ROBO1: variants seen among roughly 807,000 people sequenced by gnomAD.
The protein encoded by ROBO1 is roundabout homolog 1.
A neutral mutation model predicts 195.9 loss-of-function variants in ROBO1; 149 were observed. The observed-to-expected ratio is 0.76, with a 90% CI of 0.67 to 0.87. The LOEUF (loss-of-function observed/expected upper bound fraction) is 0.87. Ranked by LOEUF, ROBO1 falls within the 40% of genes least tolerant of loss-of-function variation. The pLI is 0.00. For missense variants in ROBO1, 1,933 were observed against 2,068.3 expected, an observed-to-expected ratio of 0.93 and a Z score of 1.27; for synonymous variants, 816 against 733.2, an observed-to-expected ratio of 1.11 and a Z score of -1.82.
intron 28 of ROBO1, among the ~76,000 whole-genome samples, chr3:78,609,085 A>G (rs1272791537): frequency 1.3e-5 from 2 of 152,212 alleles, no homozygotes; most frequent in South Asian, 4.1e-4. Flanking sequence ...GTCTTTAGAA[A>G]TGGTAACGTT....
At chr3:79,693,662 T>G (rs1298029970) in intron 1 of ROBO1, among the ~76,000 whole-genome samples, 1 of 151,720 alleles carries the variant, frequency 6.6e-6, no homozygotes, top group Non-Finnish European at 1.5e-5. Context: ...GGTCTCAAAC[T>G]CCTGGCCTTG....
intron 1 of ROBO1, among the ~76,000 whole-genome samples, chr3:79,684,807 C>A (rs1947052672): frequency 6.6e-6 from 1 of 151,988 alleles, no homozygotes; most frequent in Admixed American, 6.6e-5. Context: ...TCCTGAGTAG[C>A]TGGGACTATA....
Position 79,429,663 on chromosome 3 carries a change from G to T in ROBO1, c.88+160161C>A, listed in dbSNP as rs185827633. On this transcript the variant is annotated intron_variant, in intron 2 of 30. Transcript: ENST00000464233. The stretch of plus-strand genomic sequence containing the variant: ...GGCTCTAAATTCTTAAGCTATTCAG[G>T]TTTGAAGCCAGATAATTTTGTTGTA... Among the ~76,000 whole-genome samples, 440 of 152,206 alleles carry T rather than the reference G, an allele frequency of 2.9e-3. 3 individuals are homozygous for T. Among genetic ancestry groups the T allele is most frequent in the African/African-American group, 1.0e-2 (415 of 41,548 alleles).
chr3:79,584,646 T>TGA (rs1943768677), intron 2 of ROBO1, among the ~76,000 whole-genome samples: 1 of 141,580 alleles, frequency 7.1e-6, no homozygotes, highest in African/African-American at 2.7e-5. Flanking sequence ...TGTATGTTCA[T>TGA]ACACACACAC....
In ROBO1 at chr3:78,943,088, C is replaced by T. The variant is rs180822600; in HGVS notation, c.173-4161G>A. ...AAAATTAGCCAGGCGTGGTGGCAGG[C>T]GCCTGTAGTCCCAGCTACTCGAGAG... On this transcript the variant is annotated intron_variant, in intron 3 of 30. Coordinates refer to ENST00000464233, the MANE Select transcript of ROBO1 (RefSeq NM_002941.4). Among the ~76,000 whole-genome samples the T allele has an allele frequency of 1.1e-3, 171 of 151,642 alleles. 2 individuals are homozygous for T. Among genetic ancestry groups the T allele is most frequent in the Non-Finnish European group, 7.5e-4 (51 of 67,954 alleles).
Position 79,744,330 on chromosome 3 carries a change from C to T in ROBO1, c.-51+23422G>A, listed in dbSNP as rs560605665. Reference sequence around the variant, plus strand: ...ATATGTATTTAGGAGTTAGTGTCTGCGTGAGGTACTGGGTGTGAAAAAATA... The same window carrying T: ...ATATGTATTTAGGAGTTAGTGTCTGTGTGAGGTACTGGGTGTGAAAAAATA... On this transcript the variant is annotated intron_variant, in intron 1 of 30. Coordinates refer to ENST00000464233, the MANE Select transcript of ROBO1 (RefSeq NM_002941.4). 4.6e-5 allele frequency among the ~76,000 whole-genome samples: 7 copies of T among 152,062 alleles called. No homozygotes were observed. The East Asian group carries it at 5.8e-4, about 13-fold the overall frequency.
At chr3:78,612,639 T>C (rs370946489) in intron 28 of ROBO1, among the ~76,000 whole-genome samples, 21 of 152,208 alleles carry the variant, frequency 1.4e-4, no homozygotes, top group East Asian at 7.7e-4. Flanking sequence ...TTATTTTGTG[T>C]TTCTTTACCA....
intron 3 of ROBO1, among the ~76,000 whole-genome samples, chr3:79,024,320 G>C (rs1016871345): frequency 7.9e-5 from 12 of 152,138 alleles, no homozygotes; most frequent in African/African-American, 2.9e-4. Context: ...ATGTGAAGAG[G>C]GGGTGAGCTT....
At chr3:78,820,877 T>C (rs1043869056) in intron 4 of ROBO1, among the ~76,000 whole-genome samples, 12 of 151,966 alleles carry the variant, frequency 7.9e-5, no homozygotes, top group Non-Finnish European at 1.3e-4. Context: ...CTTTCAAGAA[T>C]GTTAAAAAAA....
At chr3:79,238,929 C>T (rs897245803) in intron 2 of ROBO1, among the ~76,000 whole-genome samples, 2 of 152,150 alleles carry the variant, frequency 1.3e-5, no homozygotes, top group African/African-American at 2.4e-5. Context: ...TATCATATTC[C>T]ATATTGCAGT....
intron 24 of ROBO1, among the ~76,000 whole-genome samples, chr3:78,632,455 T>C (rs1424529800): frequency 3.3e-5 from 5 of 152,178 alleles, no homozygotes; most frequent in African/African-American, 9.6e-5. Flanking sequence ...GTGTCCAGCA[T>C]TGGGATAACT....
chr3:79,114,861 A>G (rs7651723), intron 3 of ROBO1, among the ~76,000 whole-genome samples: 3,347 of 152,294 alleles, frequency 0.022, 125 homozygotes, highest in African/African-American at 0.075. Context: ...AGTGTGATGC[A>G]GAACAAGAGA....
chr3:78,855,006 G>A (rs1376861036), intron 4 of ROBO1, among the ~76,000 whole-genome samples: 1 of 151,982 alleles, frequency 6.6e-6, no homozygotes, highest in African/African-American at 2.4e-5. Flanking sequence ...ACAAAAGGAA[G>A]GTCATAGAAC....
intron 2 of ROBO1, among the ~76,000 whole-genome samples, chr3:79,157,804 T>A (rs983756425): frequency 2.0e-5 from 3 of 151,910 alleles, no homozygotes; most frequent in African/African-American, 7.2e-5. Context: ...GTTGTGGAAC[T>A]CCTTTCAGAA....
At chr3:78,873,721 C>T (rs535184522) in intron 4 of ROBO1, among the ~76,000 whole-genome samples, 6 of 152,138 alleles carry the variant, frequency 3.9e-5, no homozygotes, top group African/African-American at 1.4e-4. Context: ...AAAATGCTTT[C>T]CTGGGAAGAA....
At chr3:79,567,808 T>C (rs1314807028) in intron 2 of ROBO1, among the ~76,000 whole-genome samples, 1 of 152,134 alleles carries the variant, frequency 6.6e-6, no homozygotes, top group Non-Finnish European at 1.5e-5. Context: ...AGTCCATGAA[T>C]TATTATAAAT....
At chr3:78,673,842 T>TTATA (rs1267661201) in intron 10 of ROBO1, among the ~76,000 whole-genome samples, 6 of 151,630 alleles carry the variant, frequency 4.0e-5, no homozygotes, top group South Asian at 4.1e-4. Context: ...AAAAGTCACA[T>TTATA]TATACACCAA....
At chr3:78,734,225 G>A (rs1168861054) in intron 5 of ROBO1, among the ~76,000 whole-genome samples, 1 of 152,086 alleles carries the variant, frequency 6.6e-6, no homozygotes, top group Non-Finnish European at 1.5e-5. Context: ...CATACTTGGT[G>A]AGGCAGTCCT....
chr3:78,707,218 A>T (rs2081574263), intron 8 of ROBO1, among the ~76,000 whole-genome samples: 1 of 151,986 alleles, frequency 6.6e-6, no homozygotes, highest in Admixed American at 6.6e-5. Flanking sequence ...CAGCAAGGAG[A>T]GACACTCTAG....
Sources: gnomAD v4.1 joint callset for allele counts (sites outside exome capture counted in the v4.1 genomes callset) on GRCh38, gnomAD v4.1.1 for gene constraint, MANE v1.5 for transcripts, NCBI Gene and HGNC (gene_info 2026-07-23, HGNC 2026-07-21) for gene names.